ZNF320: variants seen among roughly 807,000 people sequenced by gnomAD.
ZNF320 encodes zinc finger gene 320.
Under a neutral mutation model 6.8 loss-of-function variants are expected in ZNF320, and 2 were observed. The observed-to-expected ratio is 0.29, with a 90% CI of 0.12 to 0.93. ZNF320 has a LOEUF of 0.93. Among genes scored for constraint, ZNF320 ranks in the 40% least tolerant of loss-of-function variants. ZNF320 has a pLI of 0.55. For missense variants in ZNF320, 472 were observed against 611.0 expected (o/e 0.77, Z 2.40); for synonymous variants, 208 against 203.2 (o/e 1.02, Z -0.20).
chr19:52,866,936 C>A (rs150669955), intron 5 of ZNF320, among the ~76,000 whole-genome samples: 5 of 149,948 alleles, frequency 3.3e-5, no homozygotes, highest in Non-Finnish European at 7.4e-5. Context: ...TATGATGTCA[C>A]GACTACAGTT....
At chr19:52,898,669 A>T (rs1202546576), upstream of ZNF320, among the ~76,000 whole-genome samples, 1 of 152,194 alleles carries the variant, frequency 6.6e-6, no homozygotes. Context: ...AAGGGTTCAC[A>T]ACACTAAAGA....
chr19:52,898,522 G>C (rs1342504108), upstream of ZNF320, among the ~76,000 whole-genome samples: 1 of 152,236 alleles, frequency 6.6e-6, no homozygotes, highest in African/African-American at 2.4e-5. Flanking sequence ...CATTGTAACA[G>C]TGTGTAGCAG....
chr19:52,867,646 T>G (rs893600318), intron 5 of ZNF320, among the ~76,000 whole-genome samples: 2 of 152,082 alleles, frequency 1.3e-5, no homozygotes, highest in African/African-American at 4.8e-5. Flanking sequence ...AGTTTCACTC[T>G]TGTTGCCCCT....
rs1907171484 is a variant in ZNF320 at position 52,889,724 on chromosome 19, G to C, written c.15+517C>G. Among the ~76,000 whole-genome samples, 3 of 152,140 alleles carry C rather than the reference G, an allele frequency of 2.0e-5. No homozygotes were observed. The South Asian group carries it at 6.2e-4, about 32-fold the overall frequency. ...TGTATCATTCATATCTATGTATGAA[G>C]TTTCCATTCTAATTAGTAAGATTTT... On this transcript the variant is annotated intron_variant, in intron 4 of 5. Transcript: ENST00000682928.
chr19:52,865,439 T>C (rs1478607962), intron 5 of ZNF320: 5 of 154,624 alleles, frequency 3.2e-5, no homozygotes, highest in African/African-American at 8.9e-5. Context: ...AGGCTTTATA[T>C]ATATATATAT....
rs1378199866 is a variant in ZNF320, at chr19:52,881,960, T to C, written c.166A>G (p.Asn56Asp). Reference sequence around the variant, plus strand: ...CCTTGCCCTGTTGATGACAATGTATTCATCATGCATTTGGAAGAGATATCT... The same window carrying C: ...CCTTGCCCTGTTGATGACAATGTATCCATCATGCATTTGGAAGAGATATCT... Reference protein sequence around the residue: ...SLDISSKCMMNTLSSTGQGNT... With the variant: ...SLDISSKCMMDTLSSTGQGNT... The change falls in exon 6 of 6, where the codon AAT becomes GAT. Residue 56 changes from asparagine to aspartate, a missense_variant. Coordinates refer to ENST00000682928, the MANE Select transcript of ZNF320 (RefSeq NM_001351774.2). 3 of 1,606,226 alleles carry C rather than the reference T, an allele frequency of 1.9e-6. No individual in the cohort carries two copies. In the South Asian group the frequency reaches 3.3e-5, roughly 18 times the overall value.
At chr19:52,885,798 C>T (rs1349119598) in intron 5 of ZNF320, among the ~76,000 whole-genome samples, 1 of 151,956 alleles carries the variant, frequency 6.6e-6, no homozygotes, top group East Asian at 1.9e-4. Context: ...CCCAGCTACT[C>T]GACAGGCTGA....
chr19:52,885,442 C>T (rs529494243), intron 5 of ZNF320, among the ~76,000 whole-genome samples: 180 of 151,972 alleles, frequency 1.2e-3, no homozygotes, highest in Non-Finnish European at 1.8e-3. Context: ...TTAGGCCAGG[C>T]GTGGTGGCTC....
At chr19:52,873,901 C>T (rs372577920), downstream of ZNF320, 159 of 345,016 alleles carry the variant, frequency 4.6e-4, no homozygotes, top group South Asian at 2.8e-3. Flanking sequence ...TGAGGCAGGA[C>T]GCTTCAGACT....
At position 52,880,842 on chromosome 19, in the gene ZNF320, A is replaced by G. The variant is rs1416607484; in HGVS notation, c.1284T>C (p.Leu428=). The change falls in exon 6 of 6, where the codon CTT becomes CTC. Residue 428 remains leucine (L), a synonymous_variant. Coordinates refer to ENST00000682928, the MANE Select transcript of ZNF320 (RefSeq NM_001351774.2). Reference sequence around the variant, plus strand: ...CTGTATGAATCCTCCTATGTCTTTCAAGGTGTGATTTGCGAATGTAAACTT... The same window carrying G: ...CTGTATGAATCCTCCTATGTCTTTCGAGGTGTGATTTGCGAATGTAAACTT... ...CDKVYIRKSH[L]ERHRRIHTGE... The G allele has an allele frequency of 1.2e-6, 2 of 1,613,974 alleles. No homozygotes were observed. The highest frequency in any genetic ancestry group is 1.1e-5 in the South Asian group (1 of 91,074).
chr19:52,887,312 A>G (rs1054101086), intron 5 of ZNF320, among the ~76,000 whole-genome samples: 1 of 152,220 alleles, frequency 6.6e-6, no homozygotes, highest in African/African-American at 2.4e-5. Flanking sequence ...CATGGAGATA[A>G]CAGGTCAGAA....
At chr19:52,900,327 A>AT (rs1193990435), upstream of ZNF320, among the ~76,000 whole-genome samples, 2 of 152,076 alleles carry the variant, frequency 1.3e-5, no homozygotes, top group African/African-American at 4.8e-5. Flanking sequence ...TGATGAGTGA[A>AT]TTTTTTTCTT....
chr19:52,860,374 G>A (rs748489743), downstream of ZNF320, among the ~76,000 whole-genome samples: 12 of 152,012 alleles, frequency 7.9e-5, no homozygotes, highest in African/African-American at 2.9e-4. Context: ...TGTACCAGGG[G>A]GATCACCTGA....
rs567190195 is a variant in ZNF320 at position 52,876,561 on chromosome 19, G to C, written c.*4035C>G. ...TTGCCCAGCCAGAGTGCAGTTGCAG[G>C]ATCTCAGCTCACTGCAACCTCCGCC... On this transcript the variant is annotated 3_prime_UTR_variant, in exon 6 of 6. Transcript: ENST00000682928. The C allele has an allele frequency of 1.3e-5, 2 of 152,214 alleles. No homozygotes were observed. The highest frequency in any genetic ancestry group is 3.9e-4 in the East Asian group (2 of 5,166). The allele number at this position is 152,214 out of a possible 1,614,324, so 9.4% of individuals were successfully genotyped here.
At position 52,880,211 on chromosome 19, in the gene ZNF320, G is replaced by A. The variant is rs2063872057; in HGVS notation, c.*385C>T. 6.2e-6 allele frequency: 1 copy of A among 160,998 alleles called. No individual in the cohort carries two copies. The highest frequency in any genetic ancestry group is 2.4e-5 in the African/African-American group (1 of 41,612). The allele number at this position is 160,998 out of a possible 1,614,324, so 10.0% of individuals were successfully genotyped here. On this transcript the variant is annotated 3_prime_UTR_variant, in exon 6 of 6. Transcript: ENST00000682928. Reference sequence around the variant, plus strand: ...AAAATACAAAAAATTACCCGGGCATGGTGGCACGCACCTGTAGTCCCAGCT... The same window carrying A: ...AAAATACAAAAAATTACCCGGGCATAGTGGCACGCACCTGTAGTCCCAGCT...
At chr19:52,884,818 C>T (rs925110322) in intron 5 of ZNF320, among the ~76,000 whole-genome samples, 8 of 152,186 alleles carry the variant, frequency 5.3e-5, no homozygotes, top group African/African-American at 1.9e-4. Context: ...ATCAACATCA[C>T]CACAGGCTGA....
At chr19:52,892,939 ATC>A (rs1298710628) in intron 2 of ZNF320, among the ~76,000 whole-genome samples, 4 of 146,880 alleles carry the variant, frequency 2.7e-5, no homozygotes, top group Admixed American at 6.8e-5. Context: ...GCTGTCCTTC[ATC>A]TCTCTGTACA....
Position 52,888,249 on chromosome 19 carries a change from A to ACC in ZNF320, c.19_20insGG (p.Leu7ArgfsTer3). 1.1e-6 allele frequency: 1 copy of ACC among 904,920 alleles called. No individual in the cohort carries two copies. Among genetic ancestry groups the ACC allele is most frequent in the South Asian group, 1.7e-5 (1 of 60,476 alleles). The allele number at this position is 904,920 out of a possible 1,614,324, so 56.1% of individuals were successfully genotyped here. On this transcript the variant is annotated frameshift_variant, in exon 5 of 6. Coordinates refer to ENST00000682928, the MANE Select transcript of ZNF320 (RefSeq NM_001351774.2). LOFTEE classifies it high-confidence loss of function. ...TATGGCCACATCCCTGAATGTCAGTAGACCCTGAAAGGAAAACACATTTTA... is the reference window on the plus strand; with the variant it reads ...TATGGCCACATCCCTGAATGTCAGTACCGACCCTGAAAGGAAAACACATTTTA...
chr19:52,882,326 AT>A (rs1262367763), intron 5 of ZNF320, among the ~76,000 whole-genome samples: 2 of 152,220 alleles, frequency 1.3e-5, no homozygotes, highest in Non-Finnish European at 2.9e-5. Flanking sequence ...AGAGAAAAAT[AT>A]GTATTCTTCA....
Sources: gnomAD v4.1 joint callset for allele counts (sites outside exome capture counted in the v4.1 genomes callset) on GRCh38, gnomAD v4.1.1 for gene constraint, MANE v1.5 for transcripts, NCBI Gene and HGNC (gene_info 2026-07-23, HGNC 2026-07-21) for gene names.